Variants in PRMT3 observed in about 807,000 individuals in gnomAD.
The protein encoded by PRMT3 is protein arginine methyltransferase 3, also known as protein arginine N-methyltransferase 3.
PRMT3 carries 62 observed loss-of-function variants against 71.9 expected under a neutral mutation model. The observed-to-expected ratio is 0.86, with a 90% confidence interval of 0.70 to 1.07. The LOEUF (loss-of-function observed/expected upper bound fraction) is 1.07. Ranked by LOEUF, PRMT3 falls within the 50% of genes least tolerant of loss-of-function variation. The probability of loss-of-function intolerance (pLI) is 0.00; values close to 1 mark genes in which losing one functional copy is unlikely to be tolerated. For synonymous variants in PRMT3, 213 were observed against 220.4 expected, an observed-to-expected ratio of 0.97 and a Z score of 0.30; for missense variants, 663 against 643.0, an observed-to-expected ratio of 1.03 and a Z score of -0.34.
At chr11:20,487,272 C>G (rs1590104012) in intron 13 of PRMT3, among the ~76,000 whole-genome samples, 1 of 152,202 alleles carries the variant, frequency 6.6e-6, no homozygotes, top group East Asian at 1.9e-4. Flanking sequence ...CAGTAGTTCT[C>G]TTAGGTATAT....
intron 8 of PRMT3, among the ~76,000 whole-genome samples, chr11:20,404,216 T>TGTTTTTGTTTTA (rs1565196752): frequency 7.5e-5 from 1 of 13,348 alleles, no homozygotes; most frequent in African/African-American, 1.8e-4. Flanking sequence ...TCATAGTTTT[T>TGTTTTTGTTTTA]TTTTTTTTTT....
intron 11 of PRMT3, among the ~76,000 whole-genome samples, chr11:20,454,334 ACTT>A (rs1170822784): frequency 3.3e-5 from 5 of 152,288 alleles, no homozygotes; most frequent in Non-Finnish European, 7.4e-5. Flanking sequence ...ACTGACAGCA[ACTT>A]AATACATTTA....
intron 8 of PRMT3, chr11:20,406,886 C>T (rs757897292): frequency 2.0e-5 from 3 of 152,036 alleles, no homozygotes; most frequent in Non-Finnish European, 4.4e-5. Flanking sequence ...ATTTTTCTAA[C>T]GATTAGTGAT....
chr11:20,394,216 G>T (rs1192166081), intron 5 of PRMT3, among the ~76,000 whole-genome samples: 2 of 152,192 alleles, frequency 1.3e-5, no homozygotes, highest in Non-Finnish European at 2.9e-5. Flanking sequence ...ACTGCCTTAA[G>T]TTGATCCGAA....
At chr11:20,457,379 A>G (rs1471876586) in intron 11 of PRMT3, among the ~76,000 whole-genome samples, 1 of 152,184 alleles carries the variant, frequency 6.6e-6, no homozygotes, top group Non-Finnish European at 1.5e-5. Context: ...TATGGATTTC[A>G]CAATTAGACC....
intron 13 of PRMT3, among the ~76,000 whole-genome samples, chr11:20,485,429 T>C (rs1480783968): frequency 6.6e-6 from 1 of 152,146 alleles, no homozygotes; most frequent in Non-Finnish European, 1.5e-5. Flanking sequence ...ATAGCAGACA[T>C]AGGTTTTGAA....
At chr11:20,414,757 A>C (rs1849265390) in intron 9 of PRMT3, among the ~76,000 whole-genome samples, 1 of 152,164 alleles carries the variant, frequency 6.6e-6, no homozygotes, top group East Asian at 1.9e-4. Flanking sequence ...TTGACATTAA[A>C]GATGCAATCT....
chr11:20,392,355 C>A, intron 4 of PRMT3, 95 bp downstream of exon 4: 1 of 1,311,708 alleles, frequency 7.6e-7, no homozygotes, highest in Non-Finnish European at 1.0e-6. Flanking sequence ...ATATGAGGAA[C>A]TGCATTAAAT....
intron 13 of PRMT3, among the ~76,000 whole-genome samples, chr11:20,474,052 C>T (rs947536076): frequency 1.7e-4 from 26 of 152,166 alleles, no homozygotes; most frequent in Non-Finnish European, 3.8e-4. Flanking sequence ...CAGCCTGCTC[C>T]TTCCTCTGGA....
chr11:20,488,806 C>A (rs1355579707), intron 13 of PRMT3, among the ~76,000 whole-genome samples: 1 of 152,002 alleles, frequency 6.6e-6, no homozygotes, highest in Non-Finnish European at 1.5e-5. Context: ...ATTTTTTATC[C>A]CAAATCATTG....
chr11:20,422,286 TTC>T (rs1849444261), intron 9 of PRMT3, among the ~76,000 whole-genome samples: 1 of 152,184 alleles, frequency 6.6e-6, no homozygotes, highest in Non-Finnish European at 1.5e-5. Context: ...GTAAAACAGT[TTC>T]TTTTTTTTTT....
chr11:20,404,419 AGACGGG>A (rs1849028114), intron 8 of PRMT3, among the ~76,000 whole-genome samples: 1 of 151,686 alleles, frequency 6.6e-6, no homozygotes, highest in South Asian at 2.1e-4. Context: ...TTTTTAATAG[AGACGGG>A]GTTTCACCAT....
rs189396651 is a variant in PRMT3, at chr11:20,389,372, A to G, written c.165-372A>G. Among the ~76,000 whole-genome samples, 40 of 152,370 alleles carry G rather than the reference A, an allele frequency of 2.6e-4. 1 individual carries two copies. Among genetic ancestry groups the G allele is most frequent in the Admixed American group, 2.4e-3 (37 of 15,306 alleles). On this transcript the variant is annotated intron_variant, in intron 2 of 15. Coordinates refer to ENST00000331079, the MANE Select transcript of PRMT3 (RefSeq NM_005788.4). ...GTGCCAGTTCAAAGCCTCTGAAAGC[A>G]GAGTTGACACTTAGAGGAGAAAAGA...
intron 9 of PRMT3, among the ~76,000 whole-genome samples, chr11:20,426,011 T>C (rs1478165930): frequency 6.6e-6 from 1 of 152,230 alleles, no homozygotes; most frequent in African/African-American, 2.4e-5. Flanking sequence ...AACCAGCAGC[T>C]TACATTCACC....
At chr11:20,493,832 A>G (rs1851267966) in intron 13 of PRMT3, 87 bp from the exon 14 acceptor site, 6 of 888,732 alleles carry the variant, frequency 6.8e-6, no homozygotes, top group South Asian at 1.7e-5. Context: ...ATGGTTTATC[A>G]TTTGCCATGT....
At chr11:20,451,065 G>A (rs1403767128) in intron 10 of PRMT3, among the ~76,000 whole-genome samples, 2 of 152,130 alleles carry the variant, frequency 1.3e-5, no homozygotes, top group Non-Finnish European at 2.9e-5. Flanking sequence ...AACTGATAGT[G>A]ATTTCTCAGT....
chr11:20,398,012 TAAAAAA>T (rs11424785), intron 7 of PRMT3, among the ~76,000 whole-genome samples: 69 of 121,698 alleles, frequency 5.7e-4, no homozygotes, highest in Non-Finnish European at 7.4e-4. Flanking sequence ...TGTCTCTATT[TAAAAAA>T]AAAAAAAAAA....
chr11:20,470,613 TACC>T (rs1225588682), intron 13 of PRMT3, among the ~76,000 whole-genome samples: 1 of 152,226 alleles, frequency 6.6e-6, no homozygotes, highest in African/African-American at 2.4e-5. Context: ...TATGTATATG[TACC>T]ACATTTTCTT....
At chr11:20,391,068 G>A (rs916985178) in intron 3 of PRMT3, among the ~76,000 whole-genome samples, 8 of 151,826 alleles carry the variant, frequency 5.3e-5, no homozygotes, top group African/African-American at 1.9e-4. Flanking sequence ...AAAAATAATA[G>A]GTTTTTTGGT....
Sources: allele counts gnomAD v4.1 joint callset (sites outside exome capture counted in the v4.1 genomes callset), GRCh38; gene constraint gnomAD v4.1.1; transcripts MANE v1.5; gene names NCBI Gene and HGNC (gene_info 2026-07-23, HGNC 2026-07-21).